The following RPE65 variants were observed in gnomAD, a reference collection of about 807,000 sequenced individuals.
RPE65 encodes retinoid isomerohydrolase.
Under a neutral mutation model 68.5 loss-of-function variants are expected in RPE65, and 58 were observed. The ratio of observed to expected loss-of-function variants is 0.85; its 90% CI spans 0.69 to 1.05. RPE65 has a LOEUF of 1.05. RPE65 is among the 50% of genes least tolerant of loss of function. RPE65 has a pLI of 0.00. For synonymous variants in RPE65, 220 were observed against 222.2 expected (o/e 0.99, Z 0.09); for missense variants, 643 against 629.9 (o/e 1.02, Z -0.22).
At chr1:68,442,245 C>T (rs1162720898) in intron 5 of RPE65, among the ~76,000 whole-genome samples, 2 of 152,210 alleles carry the variant, frequency 1.3e-5, no homozygotes, top group African/African-American at 4.8e-5. Flanking sequence ...TCCTGAGAAA[C>T]ATGACTCCAA....
At position 68,443,934 on chromosome 1, in the gene RPE65, C is replaced by T. The variant is rs183337037; in HGVS notation, c.495+597G>A. On this transcript the variant is annotated intron_variant, in intron 5 of 13. Coordinates refer to ENST00000262340, the MANE Select transcript of RPE65 (RefSeq NM_000329.3). The stretch of plus-strand genomic sequence containing the variant: ...TTTCATTCAAGATATAGCTTTATTT[C>T]TAATAAGAAGTATCTATAAGAAGGG... 7.4e-4 allele frequency among the ~76,000 whole-genome samples: 112 copies of T among 152,174 alleles called. 1 individual carries two copies. The highest frequency in any genetic ancestry group is 2.5e-3 in the African/African-American group (103 of 41,530).
chr1:68,443,908 A>G (rs1645921954), intron 5 of RPE65, among the ~76,000 whole-genome samples: 1 of 152,164 alleles, frequency 6.6e-6, no homozygotes, highest in Non-Finnish European at 1.5e-5. Flanking sequence ...GTTCTATGCT[A>G]TTTCATTCAA....
In RPE65 at chr1:68,429,930, G is replaced by A. The variant is rs370976802; in HGVS notation, c.1451-3C>T. 1.2e-6 allele frequency: 2 copies of A among 1,613,462 alleles called. No individual in the cohort carries two copies. Among genetic ancestry groups the A allele is most frequent in the Non-Finnish European group, 1.7e-6 (2 of 1,179,694 alleles). Reference sequence around the variant, plus strand: ...CACCACCACACTCAGAACTACACCTGTTTATCAGAAGTAAATTAGGCAATA... The same window carrying A: ...CACCACCACACTCAGAACTACACCTATTTATCAGAAGTAAATTAGGCAATA... On this transcript the variant is annotated splice_region_variant and splice_polypyrimidine_tract_variant and intron_variant, in intron 13 of 13. Coordinates refer to ENST00000262340, the MANE Select transcript of RPE65 (RefSeq NM_000329.3).
intron 10 of RPE65, among the ~76,000 whole-genome samples, chr1:68,436,010 T>C (rs1475668411): frequency 6.6e-6 from 1 of 152,254 alleles, no homozygotes; most frequent in Non-Finnish European, 1.5e-5. Context: ...TTTATGATTA[T>C]TACAGTTCCC....
chr1:68,436,719 C>T (rs1645865907), intron 10 of RPE65, among the ~76,000 whole-genome samples: 1 of 152,044 alleles, frequency 6.6e-6, no homozygotes, highest in South Asian at 2.1e-4. Flanking sequence ...GCACCCGCCT[C>T]GGCCTCCCAA....
chr1:68,443,728 A>T (rs941270523), intron 5 of RPE65, among the ~76,000 whole-genome samples: 1 of 152,164 alleles, frequency 6.6e-6, no homozygotes, highest in African/African-American at 2.4e-5. Context: ...TTACAGTTAC[A>T]TATTTGATTT....
In RPE65 at chr1:68,430,922, T is replaced by G. The variant is rs181052675; in HGVS notation, c.1450+143A>C. 9 of 693,622 alleles carry G rather than the reference T, an allele frequency of 1.3e-5. No individual in the cohort carries two copies. In the East Asian group the frequency reaches 2.5e-4, roughly 19 times the overall value. 43.0% of individuals were successfully genotyped at this position (693,622 alleles called of 1,614,324 possible). ...GATGAAAATTCTTTTCAAATAGTTTTAATTCTTCAGTACTGCTCTATTTAT... is the reference window on the plus strand; with the variant it reads ...GATGAAAATTCTTTTCAAATAGTTTGAATTCTTCAGTACTGCTCTATTTAT... On this transcript the variant is annotated intron_variant, in intron 13 of 13. Coordinates refer to ENST00000262340, the MANE Select transcript of RPE65 (RefSeq NM_000329.3).
chr1:68,443,592 C>A (rs2100825739), intron 5 of RPE65, among the ~76,000 whole-genome samples: 1 of 152,328 alleles, frequency 6.6e-6, no homozygotes, highest in East Asian at 1.9e-4. Context: ...CAAAGCCTTT[C>A]CCTTTAAGCC....
chr1:68,439,231 G>T lies in RPE65; in HGVS notation c.818C>A (p.Ala273Asp), dbSNP rs746668196. 1 of 1,613,998 alleles carries T rather than the reference G, an allele frequency of 6.2e-7. No homozygotes were observed. Among genetic ancestry groups the T allele is most frequent in the South Asian group, 1.1e-5 (1 of 91,066 alleles). The change falls in exon 8 of 14, where the codon GCC (alanine) becomes GAC (aspartate). Residue 273 changes from alanine (A) to aspartate (D), a missense_variant. Coordinates refer to ENST00000262340, the MANE Select transcript of RPE65 (RefSeq NM_000329.3). ...GGACTCAAAACAATCCATGTAGTTGGCTCCCCAAAGACTCCATGAAGAAAG... is the reference window on the plus strand; with the variant it reads ...GGACTCAAAACAATCCATGTAGTTGTCTCCCCAAAGACTCCATGAAGAAAG... ...KFLSSWSLWG[A>D]NYMDCFESNE... is the part of the protein sequence containing the mutation.
At chr1:68,436,078 CCTT>C (rs1645860805) in intron 10 of RPE65, among the ~76,000 whole-genome samples, 1 of 152,144 alleles carries the variant, frequency 6.6e-6, no homozygotes, top group African/African-American at 2.4e-5. Context: ...TTAGAAAAAT[CCTT>C]CTTTTTTCTT....
Position 68,439,193 on chromosome 1 carries a change from C to T in RPE65, c.856G>A (p.Gly286Arg). The T allele has an allele frequency of 6.2e-7, 1 of 1,614,050 alleles. No homozygotes were observed. The highest frequency in any genetic ancestry group is 8.5e-7 in the Non-Finnish European group (1 of 1,179,990). Residue 286 changes from glycine to arginine, a missense_variant and splice_region_variant, in exon 8 of 14, where the codon GGG becomes AGG. Gly to Arg is a moderately radical substitution (Grantham distance 125, BLOSUM62 -2). Coordinates refer to ENST00000262340, the MANE Select transcript of RPE65 (RefSeq NM_000329.3). ...TGACAAATATATCTAAGACTTACCC[C>T]CATGGTTTCATTGGACTCAAAACAA... ...MDCFESNETM[G>R]VWLHIADKKR...
intron 10 of RPE65, among the ~76,000 whole-genome samples, chr1:68,434,719 C>G (rs892769415): frequency 1.3e-5 from 2 of 151,420 alleles, no homozygotes; most frequent in Non-Finnish European, 2.9e-5. Context: ...ATTAGATTTC[C>G]TGTTTGTTTG....
chr1:68,449,746 C>T (rs1645969565), intron 1 of RPE65, 149 bp downstream of exon 1: 1 of 866,334 alleles, frequency 1.2e-6, no homozygotes, highest in Non-Finnish European at 1.9e-6. Context: ...TGCTTTAATA[C>T]ATAAGCAGGA....
chr1:68,449,454 C>A (rs1223915977), intron 1 of RPE65, among the ~76,000 whole-genome samples: 5 of 152,160 alleles, frequency 3.3e-5, no homozygotes, highest in Non-Finnish European at 7.4e-5. Context: ...TTTTACTAAA[C>A]AATTACTATG....
chr1:68,446,953 G>T, intron 2 of RPE65, 93 bp from the exon 3 acceptor site: 1 of 1,533,204 alleles, frequency 6.5e-7, no homozygotes, highest in Non-Finnish European at 9.0e-7. Context: ...AGCCTGATTG[G>T]GCAGCTTCTT....
At chr1:68,434,054 T>G in intron 10 of RPE65, among the ~76,000 whole-genome samples, 1 of 147,164 alleles carries the variant, frequency 6.8e-6, no homozygotes, top group Non-Finnish European at 1.5e-5. Context: ...ATGGAAGGAG[T>G]ATAGTCTTAA....
In RPE65 at chr1:68,448,629, A is replaced by G. The variant is rs1373308880; in HGVS notation, c.89T>C (p.Val30Ala). ...EELSSPLTAH[V>A]TGRIPLWLTG... ...TCAAGATGGGCGAGACCAACCTGTT[A>G]CATGAGCTGTGAGCGGCGAGGACAG... is the stretch of plus-strand genomic sequence containing the variant. Residue 30 changes from valine to alanine, a missense_variant, in exon 2 of 14, where the codon GTA becomes GCA. Coordinates refer to ENST00000262340, the MANE Select transcript of RPE65 (RefSeq NM_000329.3). 1.2e-6 allele frequency: 2 copies of G among 1,613,920 alleles called. No individual in the cohort carries two copies. Among genetic ancestry groups the G allele is most frequent in the South Asian group, 2.2e-5 (2 of 91,034 alleles).
chr1:68,449,936 C>T lies in RPE65; in HGVS notation c.-31G>A. ...TCCAGTTCAGGATCCAGAGTTCTGGCACCAACTGCAGAATGAAGAAGGAAG... is the reference window on the plus strand; with the variant it reads ...TCCAGTTCAGGATCCAGAGTTCTGGTACCAACTGCAGAATGAAGAAGGAAG... On this transcript the variant is annotated 5_prime_UTR_variant, in exon 1 of 14. Coordinates refer to ENST00000262340, the MANE Select transcript of RPE65 (RefSeq NM_000329.3). 4.3e-6 allele frequency: 7 copies of T among 1,613,876 alleles called. No homozygotes were observed. Among genetic ancestry groups the T allele is most frequent in the Non-Finnish European group, 5.9e-6 (7 of 1,179,784 alleles).
chr1:68,435,444 G>A (rs1207393094), intron 10 of RPE65, among the ~76,000 whole-genome samples: 1 of 151,790 alleles, frequency 6.6e-6, no homozygotes, highest in Non-Finnish European at 1.5e-5. Flanking sequence ...CATTAATTAT[G>A]GGCTTTTCTT....
Sources: gnomAD v4.1 joint callset for allele counts (sites outside exome capture counted in the v4.1 genomes callset) on GRCh38, gnomAD v4.1.1 for gene constraint, MANE v1.5 for transcripts, NCBI Gene and HGNC (gene_info 2026-07-23, HGNC 2026-07-21) for gene names.